PHACTR3: variants seen among roughly 807,000 people sequenced by gnomAD.
The protein encoded by PHACTR3 is phosphatase and actin regulator 3.
PHACTR3 carries 16 observed loss-of-function variants against 66.8 expected under a neutral mutation model. The ratio of observed to expected loss-of-function variants is 0.24; its 90% CI spans 0.16 to 0.36. The LOEUF (loss-of-function observed/expected upper bound fraction) is 0.36, where lower values mean the gene tolerates loss of function less well. Among genes scored for constraint, PHACTR3 ranks in the 10% least tolerant of loss-of-function variants. PHACTR3 has a pLI of 1.00. For missense variants in PHACTR3, 647 were observed against 719.9 expected (o/e 0.90, Z 1.16); for synonymous variants, 323 against 292.1 (o/e 1.11, Z -1.08).
chr20:59,692,102 C>T (rs927672830), intron 1 of PHACTR3, among the ~76,000 whole-genome samples: 1 of 152,194 alleles, frequency 6.6e-6, no homozygotes, highest in African/African-American at 2.4e-5. Context: ...ACTCCTTTGT[C>T]TCCATGGTCA....
At chr20:59,705,208 T>C (rs2037657483) in intron 1 of PHACTR3, among the ~76,000 whole-genome samples, 2 of 152,230 alleles carry the variant, frequency 1.3e-5, no homozygotes, top group African/African-American at 2.4e-5. Context: ...TCCGCCCGCC[T>C]CAGCCTCCCA....
Position 59,805,993 on chromosome 20 carries a change from T to A in PHACTR3, c.1175-48T>A, listed in dbSNP as rs112869236. ...GACAAGCCAGCCCTCCGCTAAGACC[T>A]GTCTCCTTTGTTCCCTTCTCTCCTC... On this transcript the variant is annotated intron_variant, in intron 7 of 12. Coordinates refer to ENST00000371015, the MANE Select transcript of PHACTR3 (RefSeq NM_080672.5). 42 of 1,579,406 alleles carry A rather than the reference T, an allele frequency of 2.7e-5. No individual in the cohort carries two copies. The African/African-American group carries it at 3.9e-4, about 15-fold the overall frequency.
At chr20:59,794,849 T>C (rs1256789978) in intron 7 of PHACTR3, among the ~76,000 whole-genome samples, 2 of 152,208 alleles carry the variant, frequency 1.3e-5, no homozygotes, top group East Asian at 3.8e-4. Flanking sequence ...TAATTGTTCA[T>C]AATAGTGTCT....
At chr20:59,801,987 AAC>A (rs2041427272) in intron 7 of PHACTR3, among the ~76,000 whole-genome samples, 1 of 152,154 alleles carries the variant, frequency 6.6e-6, no homozygotes, top group Non-Finnish European at 1.5e-5. Flanking sequence ...TGCCTTATTG[AAC>A]TGAGCAGAGC....
intron 1 of PHACTR3, among the ~76,000 whole-genome samples, chr20:59,587,512 A>G (rs1476833972): frequency 6.6e-6 from 1 of 152,190 alleles, no homozygotes; most frequent in East Asian, 1.9e-4. Flanking sequence ...ACAATTTACC[A>G]CCAACTCAGC....
At chr20:59,760,243 G>A (rs1451761694) in intron 4 of PHACTR3, among the ~76,000 whole-genome samples, 2 of 152,184 alleles carry the variant, frequency 1.3e-5, no homozygotes, top group African/African-American at 4.8e-5. Flanking sequence ...CACTGTCAAT[G>A]ATTTTGACCA....
chr20:59,747,948 C>T lies in PHACTR3; in HGVS notation c.358+113C>T, dbSNP rs75808234. ...AAACAGTGTAGAATCCAAGGAGGGC[C>T]GTGTTCAGATGAAGCCTGCAAGGTT... On this transcript the variant is annotated intron_variant, in intron 3 of 12. Transcript: ENST00000371015. 2,913 of 1,128,166 alleles carry T rather than the reference C, an allele frequency of 2.6e-3. 32 individuals carry two copies. The African/African-American group carries it at 0.033, about 13-fold the overall frequency. The allele number at this position is 1,128,166 out of a possible 1,614,324, so 69.9% of individuals were successfully genotyped here. A position where few individuals can be genotyped will look rare whatever the true frequency, so the allele number is the denominator to read the frequency against.
intron 1 of PHACTR3, among the ~76,000 whole-genome samples, chr20:59,606,135 C>A (rs1324013703): frequency 6.6e-6 from 1 of 152,132 alleles, no homozygotes; most frequent in African/African-American, 2.4e-5. Flanking sequence ...CTAAATGCAA[C>A]GACCCCAGAT....
intron 1 of PHACTR3, among the ~76,000 whole-genome samples, chr20:59,667,349 G>A (rs1420773783): frequency 1.3e-5 from 2 of 152,238 alleles, no homozygotes; most frequent in African/African-American, 4.8e-5. Flanking sequence ...TGCCACCTGG[G>A]CTGCTTTGCC....
chr20:59,774,306 G>T lies in PHACTR3; in HGVS notation c.990G>T (p.Thr330=), dbSNP rs767852524. The part of the protein sequence containing the change: ...KKRLDVRLSR[T]SSVERGKERE... ...GGCTGGATGTCCGTCTGTCGAGAACGTCCAGCGTGGAGCGGGGCAAGGAGA... is the reference window on the plus strand; with the variant it reads ...GGCTGGATGTCCGTCTGTCGAGAACTTCCAGCGTGGAGCGGGGCAAGGAGA... Residue 330 remains threonine, a synonymous_variant, in exon 7 of 13, where the codon ACG becomes ACT. Transcript: ENST00000371015. 2.6e-5 allele frequency: 42 copies of T among 1,613,856 alleles called. No individual in the cohort carries two copies. The highest frequency in any genetic ancestry group is 3.6e-5 in the Non-Finnish European group (42 of 1,179,972).
At chr20:59,825,133 T>C (rs2042149565) in intron 8 of PHACTR3, among the ~76,000 whole-genome samples, 1 of 152,198 alleles carries the variant, frequency 6.6e-6, no homozygotes, top group Admixed American at 6.5e-5. Context: ...ACAAAGTCTC[T>C]GCCCTTGGAG....
chr20:59,842,143 A>T (rs1316602633), intron 11 of PHACTR3, among the ~76,000 whole-genome samples: 1 of 152,188 alleles, frequency 6.6e-6, no homozygotes, highest in Non-Finnish European at 1.5e-5. Flanking sequence ...TAGGTCATAG[A>T]GTCTCTGCAT....
intron 1 of PHACTR3, among the ~76,000 whole-genome samples, chr20:59,614,823 A>G (rs2033976066): frequency 6.6e-6 from 1 of 152,260 alleles, no homozygotes; most frequent in Admixed American, 6.5e-5. Flanking sequence ...AGATATGCCA[A>G]AAATGATCTT....
intron 1 of PHACTR3, among the ~76,000 whole-genome samples, chr20:59,659,522 A>G (rs1435116500): frequency 2.6e-5 from 4 of 151,722 alleles, no homozygotes; most frequent in Admixed American, 2.6e-4. Flanking sequence ...ACAGGCACGC[A>G]CCACCATGCC....
At chr20:59,675,877 A>G (rs1271133451) in intron 1 of PHACTR3, among the ~76,000 whole-genome samples, 1 of 152,242 alleles carries the variant, frequency 6.6e-6, no homozygotes, top group Admixed American at 6.5e-5. Context: ...ACATACCTGC[A>G]GCAGCAGGTG....
chr20:59,743,834 G>C (rs767090442), intron 2 of PHACTR3, among the ~76,000 whole-genome samples: 6 of 152,192 alleles, frequency 3.9e-5, no homozygotes. Context: ...AAAGACAGAG[G>C]CTGCTCCCCT....
At chr20:59,786,136 G>T (rs1390147214) in intron 7 of PHACTR3, among the ~76,000 whole-genome samples, 1 of 152,202 alleles carries the variant, frequency 6.6e-6, no homozygotes. Flanking sequence ...GGAGGCCTGG[G>T]GCTGGGATCC....
chr20:59,651,060 T>TAAA (rs200270841), intron 1 of PHACTR3, among the ~76,000 whole-genome samples: 2 of 151,540 alleles, frequency 1.3e-5, no homozygotes, highest in African/African-American at 4.8e-5. Context: ...TTGAAACTGT[T>TAAA]AAAAAAAAAT....
At chr20:59,777,694 T>C (rs2040585311) in intron 7 of PHACTR3, among the ~76,000 whole-genome samples, 1 of 152,222 alleles carries the variant, frequency 6.6e-6, no homozygotes, top group South Asian at 2.1e-4. Context: ...CAATTACTTA[T>C]TGTTGACTGT....
Sources: gnomAD v4.1 joint callset for allele counts (sites outside exome capture counted in the v4.1 genomes callset) on GRCh38, gnomAD v4.1.1 for gene constraint, MANE v1.5 for transcripts, NCBI Gene and HGNC (gene_info 2026-07-23, HGNC 2026-07-21) for gene names.